COX7B2: variants seen among roughly 807,000 people sequenced by gnomAD.
COX7B2 encodes the protein cytochrome c oxidase subunit 7B2, mitochondrial.
For synonymous variants in COX7B2, 37 were observed against 32.1 expected, an observed-to-expected ratio of 1.15 and a Z score of -0.51; for missense variants, 109 against 95.9, an observed-to-expected ratio of 1.14 and a Z score of -0.57.
chr4:46,815,939 A>G (rs148073438), intron 2 of COX7B2, among the ~76,000 whole-genome samples: 161 of 152,326 alleles, frequency 1.1e-3, no homozygotes, highest in African/African-American at 3.7e-3. Flanking sequence ...TATAAGATTT[A>G]TCAAACCACA....
chr4:46,793,021 C>T (rs1343871125), intron 2 of COX7B2, among the ~76,000 whole-genome samples: 3 of 152,160 alleles, frequency 2.0e-5, no homozygotes, highest in Admixed American at 1.3e-4. Context: ...GAAAGAAACA[C>T]AAAACACGGC....
rs377387839 is a variant in COX7B2 at position 46,878,693 on chromosome 4, G to A, written c.-105+30467C>T. ...CAGTTTCCTATTATCTTAACGCTCC[G>A]TCTTCCTCAATATTTGGTTTCTACC... On this transcript the variant is annotated intron_variant, in intron 1 of 2. Transcript: ENST00000355591. Among the ~76,000 whole-genome samples, 203 of 152,138 alleles carry A rather than the reference G, an allele frequency of 1.3e-3. 5 individuals are homozygous for A. The South Asian group carries it at 0.04, about 30-fold the overall frequency.
chr4:46,787,849 C>A (rs998066079), intron 2 of COX7B2, among the ~76,000 whole-genome samples: 1 of 152,070 alleles, frequency 6.6e-6, no homozygotes, highest in Non-Finnish European at 1.5e-5. Flanking sequence ...TTTAGTCAAC[C>A]CGAGTTTTAG....
rs909536320 is a variant in COX7B2 at position 46,882,928 on chromosome 4, A to C, written c.-105+26232T>G. Reference sequence around the variant, plus strand: ...TACACTATTCCATATTACTTGTGATAAATTTTGCAATGGGAAAGAGACTTA... The same window carrying C: ...TACACTATTCCATATTACTTGTGATCAATTTTGCAATGGGAAAGAGACTTA... On this transcript the variant is annotated intron_variant, in intron 1 of 2. Coordinates refer to ENST00000355591, the MANE Select transcript of COX7B2 (RefSeq NM_130902.3). Among the ~76,000 whole-genome samples the C allele has an allele frequency of 5.3e-5, 8 of 152,374 alleles. 2 individuals carry two copies. Among genetic ancestry groups the C allele is most frequent in the Admixed American group, 1.3e-4 (2 of 15,310 alleles).
intron 1 of COX7B2, among the ~76,000 whole-genome samples, chr4:46,862,934 C>A (rs1252308968): frequency 6.6e-6 from 1 of 152,076 alleles, no homozygotes; most frequent in African/African-American, 2.4e-5. Flanking sequence ...ACGTATGGGT[C>A]ATTTCCAATT....
intron 1 of COX7B2, among the ~76,000 whole-genome samples, chr4:46,894,297 T>C (rs1243463925): frequency 6.6e-6 from 1 of 151,848 alleles, no homozygotes. Context: ...CAAAACAGCA[T>C]GGTACCAGAA....
intron 2 of COX7B2, among the ~76,000 whole-genome samples, chr4:46,833,742 A>C (rs1209750066): frequency 1.3e-5 from 2 of 152,196 alleles, no homozygotes; most frequent in Non-Finnish European, 2.9e-5. Flanking sequence ...AAAGGATGAC[A>C]GAATAAGTGA....
intron 2 of COX7B2, among the ~76,000 whole-genome samples, chr4:46,832,736 T>C (rs1051073079): frequency 1.3e-5 from 2 of 152,068 alleles, no homozygotes; most frequent in South Asian, 2.1e-4. Flanking sequence ...ACTTAAGATA[T>C]GGTTGTTCAA....
chr4:46,775,530 C>A (rs1380947173), intron 2 of COX7B2, among the ~76,000 whole-genome samples: 4 of 151,986 alleles, frequency 2.6e-5, no homozygotes, highest in Admixed American at 2.6e-4. Flanking sequence ...TGTTTAAATG[C>A]TTTTGTCTAA....
At chr4:46,902,829 A>C (rs1030166206) in intron 1 of COX7B2, among the ~76,000 whole-genome samples, 2 of 152,204 alleles carry the variant, frequency 1.3e-5, no homozygotes, top group African/African-American at 2.4e-5. Context: ...GTGAGCCCAG[A>C]TCAAACCACT....
intron 2 of COX7B2, among the ~76,000 whole-genome samples, chr4:46,744,536 T>A (rs1352095032): frequency 6.6e-6 from 1 of 151,936 alleles, no homozygotes; most frequent in East Asian, 1.9e-4. Context: ...TTATATAGAC[T>A]CTGAATAAAA....
chr4:46,784,503 T>C (rs2109563261), intron 2 of COX7B2, among the ~76,000 whole-genome samples: 1 of 152,286 alleles, frequency 6.6e-6, no homozygotes, highest in Admixed American at 6.5e-5. Context: ...CGCATGCCTG[T>C]AATTCCAGCT....
In COX7B2 at chr4:46,753,504, A is replaced by G. The variant is rs866587960; in HGVS notation, c.-49-18263T>C. Among the ~76,000 whole-genome samples the G allele has an allele frequency of 1.8e-3, 277 of 151,774 alleles. 1 individual carries two copies. The Middle Eastern group carries it at 0.02, about 11-fold the overall frequency. On this transcript the variant is annotated intron_variant, in intron 2 of 2. Transcript: ENST00000355591. ...ATAAATGGTGCTGGGAAAACTGGCTAGCCATATGTAGAAAGCTGAAACTGG... is the reference window on the plus strand; with the variant it reads ...ATAAATGGTGCTGGGAAAACTGGCTGGCCATATGTAGAAAGCTGAAACTGG...
At chr4:46,773,216 C>A (rs1439046366) in intron 2 of COX7B2, among the ~76,000 whole-genome samples, 1 of 152,102 alleles carries the variant, frequency 6.6e-6, no homozygotes, top group Non-Finnish European at 1.5e-5. Context: ...ACCTAAATCT[C>A]ATCTTGAATT....
At chr4:46,736,641 C>A (rs897008476) in intron 2 of COX7B2, among the ~76,000 whole-genome samples, 1 of 152,150 alleles carries the variant, frequency 6.6e-6, no homozygotes, top group African/African-American at 2.4e-5. Flanking sequence ...TTACTCCTGG[C>A]AACCACTGAT....
intron 2 of COX7B2, among the ~76,000 whole-genome samples, chr4:46,825,248 G>A (rs1714604112): frequency 1.3e-5 from 2 of 151,736 alleles, no homozygotes; most frequent in Admixed American, 6.6e-5. Context: ...CAGCCAAACC[G>A]AGAGCCACAT....
At chr4:46,783,134 C>CT (rs1319726186) in intron 2 of COX7B2, among the ~76,000 whole-genome samples, 1 of 152,190 alleles carries the variant, frequency 6.6e-6, no homozygotes, top group Non-Finnish European at 1.5e-5. Flanking sequence ...CCTTGTACAG[C>CT]TTTTTTTCCA....
At chr4:46,815,868 C>G (rs1346703860) in intron 2 of COX7B2, among the ~76,000 whole-genome samples, 2 of 152,250 alleles carry the variant, frequency 1.3e-5, no homozygotes, top group South Asian at 4.1e-4. Flanking sequence ...GCAGATAACA[C>G]TTTGTTTCCC....
intron 1 of COX7B2, among the ~76,000 whole-genome samples, chr4:46,864,856 G>A (rs886435563): frequency 1.3e-5 from 2 of 152,102 alleles, no homozygotes; most frequent in African/African-American, 4.8e-5. Flanking sequence ...GTGTTAGCCA[G>A]GATGGTCTCC....
Sources: gnomAD v4.1 joint callset for allele counts (sites outside exome capture counted in the v4.1 genomes callset) on GRCh38, gnomAD v4.1.1 for gene constraint, MANE v1.5 for transcripts, NCBI Gene and HGNC (gene_info 2026-07-23, HGNC 2026-07-21) for gene names.